TANGO6: variants seen among roughly 807,000 people sequenced by gnomAD.
The protein encoded by TANGO6 is transport and golgi organization 6 homolog.
Under a neutral mutation model 114.2 loss-of-function variants are expected in TANGO6, and 90 were observed. That is an observed-to-expected ratio of 0.79 (90% CI 0.66 to 0.94). The LOEUF is 0.94. TANGO6 is among the 40% of genes least tolerant of loss of function. TANGO6 has a pLI of 0.00. For synonymous variants in TANGO6, 477 were observed against 509.8 expected (o/e 0.94, Z 0.87); for missense variants, 1,274 against 1,315.3 (o/e 0.97, Z 0.49).
intron 1 of TANGO6, among the ~76,000 whole-genome samples, chr16:68,855,138 T>C (rs935524582): frequency 6.7e-6 from 1 of 149,426 alleles, no homozygotes; most frequent in Non-Finnish European, 1.5e-5. Context: ...ACCTGGGAAG[T>C]GGAGGTTGCA....
intron 16 of TANGO6, chr16:69,036,005 T>C (rs1959680134): frequency 6.8e-6 from 1 of 147,648 alleles, no homozygotes; most frequent in Non-Finnish European, 1.5e-5. Flanking sequence ...AGCATGCCAC[T>C]GTACTCCAGC....
Position 68,859,966 on chromosome 16 carries a change from C to G in TANGO6, c.177C>G (p.Asp59Glu). 1 of 1,612,860 alleles carries G rather than the reference C, an allele frequency of 6.2e-7. No homozygotes were observed. The highest frequency in any genetic ancestry group is 8.5e-7 in the Non-Finnish European group (1 of 1,179,034). ...TLKSNLSALE[D>E]KFLKDPQWKN... ...AATCTAACCTGTCTGCTTTGGAGGACAAGTTTCTGAAGGATCCTCAGTGGA... is the reference window on the plus strand; with the variant it reads ...AATCTAACCTGTCTGCTTTGGAGGAGAAGTTTCTGAAGGATCCTCAGTGGA... The change falls in exon 2 of 18, where the codon GAC becomes GAG. Residue 59 changes from aspartate to glutamate, a missense_variant. Around this residue, in one of 5 missense-constraint regions of TANGO6, gnomAD observed 114 missense variants for 104.6 expected, o/e 1.09. Transcript: ENST00000261778.
Position 68,986,764 on chromosome 16 carries a change from G to A in TANGO6, c.2842+12596G>A, listed in dbSNP as rs917774502. On this transcript the variant is annotated intron_variant, in intron 15 of 17. Coordinates refer to ENST00000261778, the MANE Select transcript of TANGO6 (RefSeq NM_024562.2). ...TACTAGAAATACAAAAATTAGCCAA[G>A]AGTGATGGCACACACCTGTAATCCC... Among the ~76,000 whole-genome samples, 54 of 152,094 alleles carry A rather than the reference G, an allele frequency of 3.6e-4. 1 individual carries two copies. Among genetic ancestry groups the A allele is most frequent in the Non-Finnish European group, 7.6e-4 (52 of 68,020 alleles).
intron 11 of TANGO6, among the ~76,000 whole-genome samples, chr16:68,915,261 A>T (rs1454989578): frequency 6.6e-6 from 1 of 151,722 alleles, no homozygotes; most frequent in African/African-American, 2.4e-5. Flanking sequence ...AATGCTTTAT[A>T]TATTTTTTGT....
At chr16:68,923,205 G>A (rs990343628) in intron 12 of TANGO6, among the ~76,000 whole-genome samples, 9 of 151,304 alleles carry the variant, frequency 5.9e-5, no homozygotes, top group South Asian at 2.1e-4. Flanking sequence ...TGATCTGCCC[G>A]CTTCCGCCTC....
At chr16:68,925,889 C>T (rs1158870339) in intron 12 of TANGO6, among the ~76,000 whole-genome samples, 2 of 145,328 alleles carry the variant, frequency 1.4e-5, no homozygotes, top group Non-Finnish European at 3.0e-5. Flanking sequence ...GACACTTGTT[C>T]CAATTAAAAA....
intron 3 of TANGO6, among the ~76,000 whole-genome samples, chr16:68,864,824 A>G (rs1323310884): frequency 6.6e-6 from 1 of 152,170 alleles, no homozygotes; most frequent in African/African-American, 2.4e-5. Context: ...GATAATTACA[A>G]TGCCTTCCTT....
At chr16:69,072,541 G>C (rs1960313491) in intron 17 of TANGO6, among the ~76,000 whole-genome samples, 1 of 152,098 alleles carries the variant, frequency 6.6e-6, no homozygotes, top group Non-Finnish European at 1.5e-5. Context: ...CATGGGATTT[G>C]GTGACAATCC....
chr16:68,943,425 G>A (rs1405988492), intron 14 of TANGO6, among the ~76,000 whole-genome samples: 5 of 148,620 alleles, frequency 3.4e-5, no homozygotes, highest in African/African-American at 9.9e-5. Flanking sequence ...GTGCAGTGGC[G>A]CAGTCTTGGC....
chr16:68,922,376 A>T (rs1422043416), intron 12 of TANGO6, among the ~76,000 whole-genome samples: 3 of 152,022 alleles, frequency 2.0e-5, no homozygotes, highest in Non-Finnish European at 4.4e-5. Flanking sequence ...TCTCTACTAA[A>T]AATACAAAAA....
At chr16:68,870,068 A>G (rs777667763) in intron 4 of TANGO6, among the ~76,000 whole-genome samples, 3 of 152,186 alleles carry the variant, frequency 2.0e-5, no homozygotes, top group Non-Finnish European at 4.4e-5. Context: ...CAGTTTAGAA[A>G]TATCTATCTG....
chr16:69,021,789 C>T (rs913605454), intron 15 of TANGO6, among the ~76,000 whole-genome samples: 1 of 151,734 alleles, frequency 6.6e-6, no homozygotes, highest in African/African-American at 2.4e-5. Flanking sequence ...TTTGTGTGAC[C>T]ATGGGCTAAT....
intron 11 of TANGO6, among the ~76,000 whole-genome samples, chr16:68,916,259 C>T (rs769443053): frequency 1.3e-5 from 2 of 152,134 alleles, no homozygotes; most frequent in Non-Finnish European, 2.9e-5. Flanking sequence ...AGGTGAGCAG[C>T]GCCCAAGTGA....
At chr16:68,941,591 C>T (rs1963353824) in intron 14 of TANGO6, among the ~76,000 whole-genome samples, 1 of 151,770 alleles carries the variant, frequency 6.6e-6, no homozygotes, top group Admixed American at 6.6e-5. Context: ...CCAAAAAATA[C>T]AAAAATTAGC....
intron 14 of TANGO6, among the ~76,000 whole-genome samples, chr16:68,965,438 A>G (rs1317279702): frequency 1.3e-5 from 2 of 152,258 alleles, no homozygotes; most frequent in East Asian, 1.9e-4. Flanking sequence ...GGAAGCTGAT[A>G]TTCTGCTCTT....
At chr16:68,930,635 CTTTTT>C (rs35493432) in intron 14 of TANGO6, among the ~76,000 whole-genome samples, 2 of 134,154 alleles carry the variant, frequency 1.5e-5, no homozygotes, top group Admixed American at 7.5e-5. Context: ...CGGCTACTGT[CTTTTT>C]TTTTTTTTTT....
At chr16:69,032,940 CT>C (rs1209663894) in intron 16 of TANGO6, among the ~76,000 whole-genome samples, 41 of 150,112 alleles carry the variant, frequency 2.7e-4, no homozygotes, top group Admixed American at 7.4e-4. Flanking sequence ...AATCTCACCA[CT>C]TTGGAAGGCC....
intron 14 of TANGO6, among the ~76,000 whole-genome samples, chr16:68,941,717 GC>G (rs1447965713): frequency 1.3e-5 from 2 of 152,068 alleles, no homozygotes; most frequent in Middle Eastern, 3.2e-3. Flanking sequence ...CTGCACTACA[GC>G]CTGGGTGACA....
intron 14 of TANGO6, among the ~76,000 whole-genome samples, chr16:68,971,150 C>CAAAA (rs1211343043): frequency 1.4e-5 from 1 of 73,616 alleles, no homozygotes. Context: ...GACTCCATCT[C>CAAAA]AAAAAAAAAA....
Sources: allele counts gnomAD v4.1 joint callset (sites outside exome capture counted in the v4.1 genomes callset), GRCh38; gene constraint gnomAD v4.1.1; regional missense constraint gnomAD v4.1.1; transcripts MANE v1.5; gene names NCBI Gene and HGNC (gene_info 2026-07-23, HGNC 2026-07-21).